The following BBS9 variants were observed in gnomAD, a reference collection of about 807,000 sequenced individuals.
BBS9 encodes the protein protein PTHB1.
BBS9 carries 89 observed loss-of-function variants against 117.7 expected under a neutral mutation model. The observed-to-expected ratio is 0.76, with a 90% CI of 0.64 to 0.90. BBS9 has a LOEUF of 0.90. Among genes scored for constraint, BBS9 ranks in the 40% least tolerant of loss-of-function variants. The pLI is 0.00. For missense variants in BBS9, 982 were observed against 1,042.2 expected (o/e 0.94, Z 0.80); for synonymous variants, 379 against 370.9 (o/e 1.02, Z -0.25).
chr7:33,419,419 A>G (rs1273880842), intron 19 of BBS9, among the ~76,000 whole-genome samples: 1 of 152,148 alleles, frequency 6.6e-6, no homozygotes, highest in Non-Finnish European at 1.5e-5. Flanking sequence ...GTTGATGGAA[A>G]TGGGGAGCTT....
chr7:33,149,389 G>T (rs1364742598), intron 2 of BBS9, among the ~76,000 whole-genome samples: 2 of 152,210 alleles, frequency 1.3e-5, no homozygotes, highest in Non-Finnish European at 2.9e-5. Context: ...CAGACAGTGA[G>T]AGAAGAGTTA....
At chr7:33,481,845 T>G (rs1486722009) in intron 19 of BBS9, among the ~76,000 whole-genome samples, 1 of 152,158 alleles carries the variant, frequency 6.6e-6, no homozygotes, top group Non-Finnish European at 1.5e-5. Context: ...GGGGTCTTAA[T>G]AAAGGGGATA....
At chr7:33,595,499 C>G (rs1003953214) in intron 21 of BBS9, among the ~76,000 whole-genome samples, 2 of 152,092 alleles carry the variant, frequency 1.3e-5, no homozygotes, top group Admixed American at 1.3e-4. Flanking sequence ...CATCTTACAC[C>G]AGTCAGAATG....
intron 19 of BBS9, among the ~76,000 whole-genome samples, chr7:33,442,947 A>C (rs1367929212): frequency 6.6e-6 from 1 of 152,204 alleles, no homozygotes. Flanking sequence ...TATTGGAAAC[A>C]TAAAGCATAT....
At chr7:33,156,206 T>G (rs193075947) in intron 4 of BBS9, among the ~76,000 whole-genome samples, 2 of 152,200 alleles carry the variant, frequency 1.3e-5, no homozygotes, top group African/African-American at 4.8e-5. Context: ...GGTACAAGTA[T>G]AGTGTGCGGT....
At chr7:33,474,907 T>C (rs71532578) in intron 19 of BBS9, among the ~76,000 whole-genome samples, 23,448 of 152,178 alleles carry the variant, frequency 0.15, 2,485 homozygotes, top group East Asian at 0.48. Flanking sequence ...ATTGCGCCAT[T>C]GCACTCCAGC....
chr7:33,304,538 G>C (rs1424727431), intron 9 of BBS9, among the ~76,000 whole-genome samples: 3 of 151,604 alleles, frequency 2.0e-5, no homozygotes, highest in Non-Finnish European at 4.4e-5. Flanking sequence ...TCTCTCCTCG[G>C]CTGCCCTGTC....
At chr7:33,177,793 A>G (rs1583485573) in intron 5 of BBS9, 1 of 573,372 alleles carries the variant, frequency 1.7e-6, no homozygotes. Context: ...CTTGGAAGCT[A>G]ATCAGGGTCA....
intron 1 of BBS9, among the ~76,000 whole-genome samples, chr7:33,145,560 T>G (rs1308747345): frequency 6.6e-6 from 1 of 152,172 alleles, no homozygotes; most frequent in African/African-American, 2.4e-5. Context: ...CAAGAGGAAG[T>G]GAATGCTTTT....
At chr7:33,423,429 G>A (rs1833169679) in intron 19 of BBS9, among the ~76,000 whole-genome samples, 2 of 151,858 alleles carry the variant, frequency 1.3e-5, no homozygotes, top group Non-Finnish European at 1.5e-5. Flanking sequence ...TAGCTATAAG[G>A]GGATGAGAAA....
intron 21 of BBS9, among the ~76,000 whole-genome samples, chr7:33,548,480 A>G (rs890809609): frequency 6.9e-6 from 1 of 145,554 alleles, no homozygotes; most frequent in African/African-American, 2.5e-5. Flanking sequence ...TATATCTCCC[A>G]ATGCTATCCC....
At chr7:33,142,264 G>T (rs1384159635) in intron 1 of BBS9, among the ~76,000 whole-genome samples, 2 of 152,102 alleles carry the variant, frequency 1.3e-5, no homozygotes, top group Non-Finnish European at 2.9e-5. Flanking sequence ...GTACCATAGT[G>T]TGTTTAACCA....
chr7:33,184,368 A>G (rs971410434), intron 5 of BBS9, among the ~76,000 whole-genome samples: 2 of 152,212 alleles, frequency 1.3e-5, no homozygotes, highest in Non-Finnish European at 2.9e-5. Context: ...CCCCACAGCC[A>G]TCAGCAAAGA....
At chr7:33,471,779 C>T (rs544511280) in intron 19 of BBS9, among the ~76,000 whole-genome samples, 2 of 152,268 alleles carry the variant, frequency 1.3e-5, no homozygotes, top group East Asian at 3.9e-4. Context: ...TGTCAGCAAA[C>T]CAGAGCAACA....
chr7:33,523,294 G>T (rs1284313243), intron 20 of BBS9, among the ~76,000 whole-genome samples: 2 of 142,872 alleles, frequency 1.4e-5, no homozygotes, highest in Non-Finnish European at 3.0e-5. Flanking sequence ...GAAAGTCATT[G>T]GTAGCTTGAT....
At chr7:33,477,369 CAA>C (rs1267758648) in intron 19 of BBS9, among the ~76,000 whole-genome samples, 1 of 152,088 alleles carries the variant, frequency 6.6e-6, no homozygotes, top group Admixed American at 6.6e-5. Flanking sequence ...AAATGTACGT[CAA>C]AGAGAAAAGT....
chr7:33,361,606 A>T (rs566674148), intron 16 of BBS9, among the ~76,000 whole-genome samples: 1 of 152,148 alleles, frequency 6.6e-6, no homozygotes, highest in African/African-American at 2.4e-5. Flanking sequence ...TTTTGATATT[A>T]TTAGGTAAAA....
intron 9 of BBS9, among the ~76,000 whole-genome samples, chr7:33,291,912 C>T (rs1804127392): frequency 6.6e-6 from 1 of 152,122 alleles, no homozygotes; most frequent in African/African-American, 2.4e-5. Context: ...TTTAGGGCCG[C>T]TCCACTTTCA....
chr7:33,416,119 C>A (rs1440109193), intron 19 of BBS9, among the ~76,000 whole-genome samples: 2 of 152,116 alleles, frequency 1.3e-5, no homozygotes, highest in Non-Finnish European at 2.9e-5. Flanking sequence ...TAGGTGTGAG[C>A]CACCATGGCT....
Sources: gnomAD v4.1 joint callset for allele counts (sites outside exome capture counted in the v4.1 genomes callset) on GRCh38, gnomAD v4.1.1 for gene constraint, MANE v1.5 for transcripts, NCBI Gene and HGNC (gene_info 2026-07-23, HGNC 2026-07-21) for gene names.